RTN4IP1: variants seen among roughly 807,000 people sequenced by gnomAD.
RTN4IP1 encodes the protein reticulon 4 interacting protein 1.
RTN4IP1 carries 32 observed loss-of-function variants against 46.6 expected under a neutral mutation model. That is an observed-to-expected ratio of 0.69 (90% CI 0.52 to 0.92). The LOEUF is 0.92. Among genes scored for constraint, RTN4IP1 ranks in the 40% least tolerant of loss-of-function variants. The probability of loss-of-function intolerance (pLI) is 0.00; values close to 1 mark genes in which losing one functional copy is unlikely to be tolerated. For synonymous variants in RTN4IP1, 167 were observed against 161.8 expected, an observed-to-expected ratio of 1.03 and a Z score of -0.24; for missense variants, 424 against 485.8, an observed-to-expected ratio of 0.87 and a Z score of 1.20.
At chr6:106,622,706 C>T (rs1421819586) in intron 2 of RTN4IP1, 112 bp downstream of exon 2, 3 of 1,129,276 alleles carry the variant, frequency 2.7e-6, no homozygotes, top group Admixed American at 5.3e-5. Context: ...GCAGAAGCCC[C>T]TTAGCTGCAC....
At chr6:106,615,682 C>T (rs1226487671) in intron 4 of RTN4IP1, among the ~76,000 whole-genome samples, 1 of 152,040 alleles carries the variant, frequency 6.6e-6, no homozygotes, top group Admixed American at 6.6e-5. Context: ...ACAACTTTCC[C>T]GGCAAGACAT....
intron 7 of RTN4IP1, 90 bp from the exon 8 acceptor site, chr6:106,583,510 T>C: frequency 1.0e-6 from 1 of 970,248 alleles, no homozygotes; most frequent in African/African-American, 1.6e-5. Flanking sequence ...TCTGGATGAC[T>C]ACAACAAACT....
intron 5 of RTN4IP1, among the ~76,000 whole-genome samples, chr6:106,593,058 T>C (rs1183011067): frequency 2.0e-5 from 3 of 152,214 alleles, no homozygotes; most frequent in African/African-American, 4.8e-5. Flanking sequence ...ATATCTTCAT[T>C]TGCATCTCTA....
intron 8 of RTN4IP1, among the ~76,000 whole-genome samples, chr6:106,581,755 CTCTCA>C (rs753393804): frequency 1.6e-4 from 25 of 152,304 alleles, no homozygotes; most frequent in Non-Finnish European, 3.2e-4. Context: ...TACAAGTCAC[CTCTCA>C]TCTCTGTTGG....
Position 106,619,183 on chromosome 6 carries a change from CACTG to C in RTN4IP1, c.620+15_620+18del, listed in dbSNP as rs771416187. 3 of 1,613,568 alleles carry C rather than the reference CACTG, an allele frequency of 1.9e-6. No homozygotes were observed. The highest frequency in any genetic ancestry group is 2.5e-6 in the Non-Finnish European group (3 of 1,179,728). The stretch of plus-strand genomic sequence containing the variant: ...GAAAGAAAAGAGGTTTAGATGCTGC[CACTG>C]ACTGATACACTTACCGTTTTCCTGT... On this transcript the variant is annotated intron_variant, in intron 4 of 8. Transcript: ENST00000369063.
chr6:106,586,414 G>T (rs918131337), intron 7 of RTN4IP1, among the ~76,000 whole-genome samples: 5 of 150,996 alleles, frequency 3.3e-5, no homozygotes, highest in Admixed American at 6.6e-5. Context: ...TTCCTCTGTT[G>T]CCCAGGCTGC....
chr6:106,579,688 A>C (rs768243747), intron 8 of RTN4IP1, among the ~76,000 whole-genome samples: 37 of 152,064 alleles, frequency 2.4e-4, no homozygotes, highest in Non-Finnish European at 4.6e-4. Flanking sequence ...ATTATTGTGG[A>C]TATTAACTCG....
intron 4 of RTN4IP1, among the ~76,000 whole-genome samples, chr6:106,607,565 G>A (rs1042983882): frequency 6.6e-6 from 1 of 152,020 alleles, no homozygotes; most frequent in South Asian, 2.1e-4. Context: ...ACGTGCAAAG[G>A]ATCTGAACAG....
In RTN4IP1 at chr6:106,621,504, CACAG is replaced by C. The variant is rs374802750; in HGVS notation, c.427-15_427-12del. Reference sequence around the variant, plus strand: ...AACTGCAGCCCAGACCTGAAACACACACAGACAGACAGCTTCATTAGAAACACAG... The same window carrying C: ...AACTGCAGCCCAGACCTGAAACACACACAGACAGCTTCATTAGAAACACAG... On this transcript the variant is annotated splice_polypyrimidine_tract_variant and intron_variant, in intron 2 of 8. Coordinates refer to ENST00000369063, the MANE Select transcript of RTN4IP1 (RefSeq NM_032730.5). The C allele has an allele frequency of 3.4e-5, 55 of 1,611,156 alleles. No individual in the cohort carries two copies. The highest frequency in any genetic ancestry group is 2.4e-4 in the African/African-American group (18 of 74,970).
At chr6:106,625,741 G>A (rs2114686074) in intron 1 of RTN4IP1, among the ~76,000 whole-genome samples, 1 of 139,854 alleles carries the variant, frequency 7.2e-6, no homozygotes, top group East Asian at 2.1e-4. Context: ...TCGGCTCACT[G>A]CAACTTCCGC....
chr6:106,595,181 T>C (rs1029588269), intron 5 of RTN4IP1, among the ~76,000 whole-genome samples: 2 of 152,218 alleles, frequency 1.3e-5, no homozygotes, highest in Non-Finnish European at 2.9e-5. Context: ...TCTAGGCCAT[T>C]TGATCTGTGG....
chr6:106,592,261 A>C lies in RTN4IP1; in HGVS notation c.709T>G (p.Ser237Ala). The change falls in exon 6 of 9, where the codon TCC becomes GCC. Residue 237 changes from serine (S) to alanine (A), a missense_variant. Ser to Ala is a moderately conservative substitution (Grantham distance 99). Coordinates refer to ENST00000369063, the MANE Select transcript of RTN4IP1 (RefSeq NM_032730.5). ...AWDAHVTAVCSQDASELVRKL... is the reference protein window; with the variant it reads ...AWDAHVTAVCAQDASELVRKL... ...CTTACAAGTTCACTGGCATCTTGGG[A>C]GCAAACTGCTGTCACATGAGCATCC... 6.2e-7 allele frequency: 1 copy of C among 1,614,156 alleles called. No individual in the cohort carries two copies. The highest frequency in any genetic ancestry group is 8.5e-7 in the Non-Finnish European group (1 of 1,180,012).
chr6:106,612,889 A>C (rs1263228464), intron 4 of RTN4IP1, among the ~76,000 whole-genome samples: 1 of 152,236 alleles, frequency 6.6e-6, no homozygotes, highest in African/African-American at 2.4e-5. Flanking sequence ...ATCAGGGATA[A>C]GAACCCCTTC....
At chr6:106,612,655 T>TACCTACTCCACCTTAACTCATTCTCATC (rs57330586) in intron 4 of RTN4IP1, among the ~76,000 whole-genome samples, 8 of 151,728 alleles carry the variant, frequency 5.3e-5, no homozygotes, top group Non-Finnish European at 1.2e-4. Flanking sequence ...CTTTTACAAT[T>TACCTACTCCACCTTAACTCATTCTCATC]ACCTGCTCCA....
intron 5 of RTN4IP1, among the ~76,000 whole-genome samples, chr6:106,600,250 C>T (rs1376293157): frequency 2.0e-5 from 3 of 152,008 alleles, no homozygotes; most frequent in Non-Finnish European, 4.4e-5. Context: ...CTGGCCCCTA[C>T]TGGGGAAAAG....
chr6:106,571,951 A>C lies in RTN4IP1; in HGVS notation c.*45T>G. ...TAGAAAAAAATTTGGGCTCACAGGCACTCACCAAATAAGAACGTCAACAAT... is the reference window on the plus strand; with the variant it reads ...TAGAAAAAAATTTGGGCTCACAGGCCCTCACCAAATAAGAACGTCAACAAT... On this transcript the variant is annotated 3_prime_UTR_variant, in exon 9 of 9. Transcript: ENST00000369063. The C allele has an allele frequency of 6.9e-7, 1 of 1,455,342 alleles. No individual in the cohort carries two copies. The highest frequency in any genetic ancestry group is 1.2e-5 in the South Asian group (1 of 86,914). 90.2% of individuals were successfully genotyped at this position (1,455,342 alleles called of 1,614,324 possible).
At chr6:106,581,745 T>C (rs1210274046) in intron 8 of RTN4IP1, among the ~76,000 whole-genome samples, 1 of 152,240 alleles carries the variant, frequency 6.6e-6, no homozygotes, top group Non-Finnish European at 1.5e-5. Flanking sequence ...GGTAGATATA[T>C]ACAAGTCACC....
At chr6:106,614,966 C>T (rs561633116) in intron 4 of RTN4IP1, among the ~76,000 whole-genome samples, 2 of 150,028 alleles carry the variant, frequency 1.3e-5, no homozygotes, top group South Asian at 2.2e-4. Context: ...CCCACCCCCC[C>T]ACCCAGGACT....
At chr6:106,599,012 T>C (rs1341060097) in intron 5 of RTN4IP1, among the ~76,000 whole-genome samples, 4 of 151,870 alleles carry the variant, frequency 2.6e-5, no homozygotes, top group Non-Finnish European at 5.9e-5. Flanking sequence ...TTTTTCCTGA[T>C]TTTTTCCTAT....
Sources: gnomAD v4.1 joint callset for allele counts (sites outside exome capture counted in the v4.1 genomes callset) on GRCh38, gnomAD v4.1.1 for gene constraint, MANE v1.5 for transcripts, NCBI Gene and HGNC (gene_info 2026-07-23, HGNC 2026-07-21) for gene names.